Variants in PARD3B observed in about 807,000 individuals in gnomAD.
PARD3B encodes par-3 family cell polarity regulator beta.
In PARD3B, 103 loss-of-function variants were observed where a neutral mutation model predicts 130.2. The ratio of observed to expected loss-of-function variants is 0.79; its 90% CI spans 0.67 to 0.93. The LOEUF is 0.93. PARD3B is among the 40% of genes least tolerant of loss of function. The probability of loss-of-function intolerance (pLI) is 0.00; values close to 1 mark genes in which losing one functional copy is unlikely to be tolerated. For synonymous variants in PARD3B, 583 were observed against 553.2 expected, an observed-to-expected ratio of 1.05 and a Z score of -0.76; for missense variants, 1,609 against 1,499.2, an observed-to-expected ratio of 1.07 and a Z score of -1.21.
intron 14 of PARD3B, among the ~76,000 whole-genome samples, chr2:205,190,568 C>A (rs2036340571): frequency 6.6e-6 from 1 of 152,314 alleles, no homozygotes; most frequent in South Asian, 2.1e-4. Flanking sequence ...AGGCTGGCCA[C>A]CATTTCAGCC....
rs779182911 is a variant in PARD3B, at chr2:205,230,637, G to T, written c.2141-15141G>T. On this transcript the variant is annotated intron_variant, in intron 15 of 22. Coordinates refer to ENST00000406610, the MANE Select transcript of PARD3B (RefSeq NM_001302769.2). This position sits in a 1 kb window ranked among gnomAD's most constrained non-coding sequence, Gnocchi z 4.1. ...GCAAGCACTGCATTAGCCGCCCAACGGCTGTCTCACTAGGTTATTACCCCC... is the reference window on the plus strand; with the variant it reads ...GCAAGCACTGCATTAGCCGCCCAACTGCTGTCTCACTAGGTTATTACCCCC... 1.3e-5 allele frequency among the ~76,000 whole-genome samples: 2 copies of T among 152,088 alleles called. No individual in the cohort carries two copies. Among genetic ancestry groups the T allele is most frequent in the Non-Finnish European group, 2.9e-5 (2 of 68,030 alleles).
intron 22 of PARD3B, among the ~76,000 whole-genome samples, chr2:205,554,992 C>CA (rs11429917): frequency 0.5 from 76,377 of 151,922 alleles, 20,798 homozygotes; most frequent in Middle Eastern, 0.73. Context: ...CCCCAAGGGA[C>CA]AGTTACATTT....
chr2:205,120,239 G>T (rs146481821), intron 7 of PARD3B, among the ~76,000 whole-genome samples: 2 of 152,074 alleles, frequency 1.3e-5, no homozygotes, highest in Non-Finnish European at 2.9e-5. Context: ...ATTATGCAAA[G>T]CAATCATTAT....
At chr2:205,237,829 A>C (rs908225913) in intron 15 of PARD3B, among the ~76,000 whole-genome samples, 1 of 152,124 alleles carries the variant, frequency 6.6e-6, no homozygotes, top group African/African-American at 2.4e-5. Flanking sequence ...ATACAAGTGA[A>C]TTATATTTAT....
intron 4 of PARD3B, among the ~76,000 whole-genome samples, chr2:205,064,652 C>T (rs1199986149): frequency 1.3e-5 from 2 of 152,096 alleles, no homozygotes; most frequent in Admixed American, 6.6e-5. Flanking sequence ...TACCCAGAGT[C>T]AAGGCCAGGT....
rs1340718482 is a variant in PARD3B, at chr2:205,463,695, T to C, written c.3044+23023T>C. ...GTCAGAGTTGCTGAAGAAAAGCTGT[T>C]AAAAATTATGTTTATAGGCCAGTCA... On this transcript the variant is annotated intron_variant, in intron 20 of 22. Transcript: ENST00000406610. The surrounding 1 kb of genome is among the most constrained non-coding windows in gnomAD (Gnocchi z 4.8). Among the ~76,000 whole-genome samples the C allele has an allele frequency of 6.6e-6, 1 of 152,194 alleles. No individual in the cohort carries two copies.
At chr2:205,462,445 A>G (rs1219522640) in intron 20 of PARD3B, among the ~76,000 whole-genome samples, 1 of 152,110 alleles carries the variant, frequency 6.6e-6, no homozygotes, top group Non-Finnish European at 1.5e-5. Flanking sequence ...TTGCACAGAT[A>G]TAATATAACT....
intron 1 of PARD3B, among the ~76,000 whole-genome samples, chr2:204,601,329 A>G (rs2033502814): frequency 6.6e-6 from 1 of 151,982 alleles, no homozygotes; most frequent in Non-Finnish European, 1.5e-5. Context: ...TCAAGCAGGC[A>G]CGCTGATGGG....
intron 2 of PARD3B, among the ~76,000 whole-genome samples, chr2:204,813,986 A>G (rs533581750): frequency 7.9e-5 from 12 of 152,018 alleles, no homozygotes; most frequent in Non-Finnish European, 1.2e-4. Context: ...CAGCATGTCA[A>G]TTTCTGCAGC....
In PARD3B at chr2:205,176,272, G is replaced by C. The variant is rs1443576570; in HGVS notation, c.1792-173G>C. Among the ~76,000 whole-genome samples, 1 of 152,158 alleles carries C rather than the reference G, an allele frequency of 6.6e-6. No homozygotes were observed. The highest frequency in any genetic ancestry group is 1.5e-5 in the Non-Finnish European group (1 of 68,014). ...CACAGTGTCAGTACTTTTTATTTTA[G>C]ACTCAAAGATGTTTTCACTGATAGG... On this transcript the variant is annotated intron_variant, in intron 12 of 22. Coordinates refer to ENST00000406610, the MANE Select transcript of PARD3B (RefSeq NM_001302769.2). The surrounding 1 kb of genome is among the most constrained non-coding windows in gnomAD (Gnocchi z 5.3).
chr2:204,908,836 G>A (rs1225947898), intron 2 of PARD3B, among the ~76,000 whole-genome samples: 3 of 152,174 alleles, frequency 2.0e-5, no homozygotes, highest in African/African-American at 7.2e-5. Context: ...TTTTTCTGTA[G>A]TTCTGTTAGA....
At chr2:204,899,187 C>T (rs2046756834) in intron 2 of PARD3B, among the ~76,000 whole-genome samples, 1 of 130,320 alleles carries the variant, frequency 7.7e-6, no homozygotes, top group Admixed American at 7.6e-5. Flanking sequence ...CTTCTCTTCT[C>T]CCTTCCCTCC....
In PARD3B at chr2:204,840,197, A is replaced by G. The variant is rs1451669682; in HGVS notation, c.223-124955A>G. Among the ~76,000 whole-genome samples, 4 of 152,236 alleles carry G rather than the reference A, an allele frequency of 2.6e-5. No homozygotes were observed. In the East Asian group the frequency reaches 7.7e-4, roughly 29 times the overall value. On this transcript the variant is annotated intron_variant, in intron 2 of 22. Coordinates refer to ENST00000406610, the MANE Select transcript of PARD3B (RefSeq NM_001302769.2). ...TAAAAATATAGCTGAATATAAATTG[A>G]AGGGTCAGAGATTAAGGGTGAAGCA...
At position 205,021,551 on chromosome 2, in the gene PARD3B, G is replaced by A. The variant is rs552058547; in HGVS notation, c.395-26030G>A. 2.6e-5 allele frequency among the ~76,000 whole-genome samples: 4 copies of A among 151,004 alleles called. No homozygotes were observed. The highest frequency in any genetic ancestry group is 7.3e-5 in the African/African-American group (3 of 41,124). Reference sequence around the variant, plus strand: ...GCAGTTTCACAAGCAGGAGGTAATAGCATTTATTGAGCAACTATATGCTCT... The same window carrying A: ...GCAGTTTCACAAGCAGGAGGTAATAACATTTATTGAGCAACTATATGCTCT... On this transcript the variant is annotated intron_variant, in intron 3 of 22. Transcript: ENST00000406610. The surrounding 1 kb of genome is among the most constrained non-coding windows in gnomAD (Gnocchi z 4.5).
At chr2:205,424,040 T>G (rs2047062699) in intron 19 of PARD3B, among the ~76,000 whole-genome samples, 1 of 152,038 alleles carries the variant, frequency 6.6e-6, no homozygotes, top group Non-Finnish European at 1.5e-5. Flanking sequence ...TAACACAGAT[T>G]TATCTATTTA....
chr2:204,838,631 T>A (rs2044147299), intron 2 of PARD3B, among the ~76,000 whole-genome samples: 2 of 152,016 alleles, frequency 1.3e-5, no homozygotes, highest in Non-Finnish European at 2.9e-5. Context: ...ATAGAAGAAA[T>A]AAGACCTAGT....
chr2:205,380,934 G>GAATATATGTAATATATAAAT (rs1559034975), intron 18 of PARD3B, among the ~76,000 whole-genome samples: 3 of 81,434 alleles, frequency 3.7e-5, no homozygotes, highest in Non-Finnish European at 6.0e-5. Flanking sequence ...AATATATAAA[G>GAATATATGTAATATATAAAT]AATATATATA....
chr2:205,399,595 T>A (rs543298309), intron 18 of PARD3B, among the ~76,000 whole-genome samples: 13 of 152,276 alleles, frequency 8.5e-5, no homozygotes, highest in African/African-American at 2.6e-4. Flanking sequence ...CCTCAGGTGA[T>A]CCACCTGCCT....
chr2:204,662,591 A>G lies in PARD3B; in HGVS notation c.121-23590A>G, dbSNP rs989669229. Among the ~76,000 whole-genome samples the G allele has an allele frequency of 8.0e-4, 122 of 152,176 alleles. 7 individuals carry two copies. Among genetic ancestry groups the G allele is most frequent in the Non-Finnish European group, 5.9e-5 (4 of 68,024 alleles). ...CAGAAGTGCTTCATGTGTACTTCCTATTTTGTCACATAGAATATTAAAGAT... is the reference window on the plus strand; with the variant it reads ...CAGAAGTGCTTCATGTGTACTTCCTGTTTTGTCACATAGAATATTAAAGAT... On this transcript the variant is annotated intron_variant, in intron 1 of 22. Transcript: ENST00000406610.
Sources: allele counts gnomAD v4.1 joint callset (sites outside exome capture counted in the v4.1 genomes callset), GRCh38; gene constraint gnomAD v4.1.1; non-coding constraint Gnocchi (gnomAD v3.1); transcripts MANE v1.5; gene names NCBI Gene and HGNC (gene_info 2026-07-23, HGNC 2026-07-21).